Variants in TMEM229B observed in about 807,000 individuals in gnomAD.
TMEM229B encodes the protein transmembrane protein 229B, also known as chromosome 14 open reading frame 83.
In TMEM229B, 6 loss-of-function variants were observed where a neutral mutation model predicts 13.7. That is an observed-to-expected ratio of 0.44 (90% CI 0.24 to 0.86). The LOEUF is 0.86. Ranked by LOEUF, TMEM229B falls within the 40% of genes least tolerant of loss-of-function variation. The pLI is 0.23. For missense variants in TMEM229B, 170 were observed against 236.0 expected (o/e 0.72, Z 1.83); for synonymous variants, 107 against 102.1 (o/e 1.05, Z -0.29).
chr14:67,525,515 C>T (rs1222155122), intron 1 of TMEM229B, among the ~76,000 whole-genome samples: 1 of 152,214 alleles, frequency 6.6e-6, no homozygotes, highest in African/African-American at 2.4e-5. Context: ...GGGCACCCCT[C>T]ATTCTTCTCC....
chr14:67,526,936 AAGG>A (rs2033376076), intron 1 of TMEM229B, among the ~76,000 whole-genome samples: 1 of 152,184 alleles, frequency 6.6e-6, no homozygotes, highest in Non-Finnish European at 1.5e-5. Context: ...TGAGCACAAC[AAGG>A]AGAAGTCCTG....
intron 2 of TMEM229B, among the ~76,000 whole-genome samples, chr14:67,482,883 C>A (rs2031666288): frequency 1.3e-5 from 2 of 152,194 alleles, no homozygotes; most frequent in South Asian, 4.1e-4. Flanking sequence ...CTCCCTCCAC[C>A]TCCCAAGTCA....
chr14:67,481,846 C>T (rs972375045), intron 2 of TMEM229B, among the ~76,000 whole-genome samples: 1 of 152,196 alleles, frequency 6.6e-6, no homozygotes, highest in African/African-American at 2.4e-5. Flanking sequence ...GAACCGGCAG[C>T]TCAGGGGACC....
At chr14:67,485,375 C>T (rs1365407725) in intron 2 of TMEM229B, among the ~76,000 whole-genome samples, 3 of 152,184 alleles carry the variant, frequency 2.0e-5, no homozygotes, top group Non-Finnish European at 4.4e-5. Context: ...TTTGTAAGCC[C>T]AGGCTGAGTG....
chr14:67,503,248 T>C (rs1287316098), intron 1 of TMEM229B, among the ~76,000 whole-genome samples: 1 of 152,152 alleles, frequency 6.6e-6, no homozygotes, highest in Non-Finnish European at 1.5e-5. Context: ...GCAGCAGAGA[T>C]GGTCTCTGGC....
In TMEM229B at chr14:67,473,756, G is replaced by A. The variant is rs754809593; in HGVS notation, c.168C>T (p.Ser56=). ...GGTACATGCGCTCCACGATGAGGAT[G>A]GAGGTGCCGTAGATGAAGAGGGCCC... ...SVWALFIYGT[S]ILIVERMYLR... Residue 56 remains serine (S), a synonymous_variant, in exon 3 of 3, where the codon TCC becomes TCT. Transcript: ENST00000554480. This position sits in a 1 kb window ranked among gnomAD's most constrained non-coding sequence, Gnocchi z 6.5. The A allele has an allele frequency of 6.2e-6, 10 of 1,613,602 alleles. No individual in the cohort carries two copies. Among genetic ancestry groups the A allele is most frequent in the African/African-American group, 4.0e-5 (3 of 74,950 alleles).
upstream of TMEM229B, among the ~76,000 whole-genome samples, chr14:67,518,436 CCAGA>C (rs2033240577): frequency 6.6e-6 from 1 of 152,174 alleles, no homozygotes; most frequent in African/African-American, 2.4e-5. Flanking sequence ...TAGCATAGTG[CCAGA>C]CACATAGTAT....
At chr14:67,517,849 T>G (rs1479669073), upstream of TMEM229B, among the ~76,000 whole-genome samples, 1 of 152,208 alleles carries the variant, frequency 6.6e-6, no homozygotes, top group Non-Finnish European at 1.5e-5. Flanking sequence ...AAAGGCAAAA[T>G]GCAGTTCAAA....
intron 1 of TMEM229B, among the ~76,000 whole-genome samples, chr14:67,532,264 G>A (rs998174991): frequency 6.6e-6 from 1 of 152,192 alleles, no homozygotes; most frequent in African/African-American, 2.4e-5. Flanking sequence ...TGGTGCCTGG[G>A]ATGAGTCTTC....
chr14:67,478,256 A>T (rs2031351952), intron 2 of TMEM229B, among the ~76,000 whole-genome samples: 1 of 152,196 alleles, frequency 6.6e-6, no homozygotes, highest in South Asian at 2.1e-4. Context: ...TAGCTGTACA[A>T]GTGTGGTTCA....
At chr14:67,501,225 A>G (rs759752887) in intron 1 of TMEM229B, among the ~76,000 whole-genome samples, 4 of 152,132 alleles carry the variant, frequency 2.6e-5, no homozygotes, top group African/African-American at 7.2e-5. Flanking sequence ...TCCCAGAGTC[A>G]TGGCAGTGGA....
At chr14:67,500,793 G>A (rs1474042793) in intron 1 of TMEM229B, among the ~76,000 whole-genome samples, 2 of 151,596 alleles carry the variant, frequency 1.3e-5, no homozygotes, top group Non-Finnish European at 2.9e-5. Context: ...GGATGGTCTC[G>A]ATCTCCTGAA....
rs1258475284 is a variant in TMEM229B, at chr14:67,472,738, G to T, written c.*682C>A. On this transcript the variant is annotated 3_prime_UTR_variant, in exon 3 of 3. Coordinates refer to ENST00000554480, the MANE Select transcript of TMEM229B (RefSeq NM_001348543.2). ...AGGCTTTGAAAACAAGACAGAAAAGGGGGAAACGCCACCGAACACACGGGG... is the reference window on the plus strand; with the variant it reads ...AGGCTTTGAAAACAAGACAGAAAAGTGGGAAACGCCACCGAACACACGGGG... 6.5e-6 allele frequency: 1 copy of T among 152,756 alleles called. No homozygotes were observed. Among genetic ancestry groups the T allele is most frequent in the Non-Finnish European group, 1.5e-5 (1 of 68,300 alleles). The allele number at this position is 152,756 out of a possible 1,614,324, so 9.5% of individuals were successfully genotyped here. A position where few individuals can be genotyped will look rare whatever the true frequency, so the allele number is the denominator to read the frequency against.
chr14:67,504,777 C>T (rs1006045305), intron 1 of TMEM229B, among the ~76,000 whole-genome samples: 30 of 151,968 alleles, frequency 2.0e-4, no homozygotes, highest in African/African-American at 5.8e-4. Flanking sequence ...CCCAGCTACT[C>T]GGGAGTCTGA....
chr14:67,504,881 C>T (rs2032762039), intron 1 of TMEM229B, among the ~76,000 whole-genome samples: 2 of 151,920 alleles, frequency 1.3e-5, no homozygotes, highest in South Asian at 2.1e-4. Context: ...AGCGACACTC[C>T]GTCTCAAACA....
intron 1 of TMEM229B, among the ~76,000 whole-genome samples, chr14:67,510,028 A>AAG (rs202047940): frequency 1.2e-5 from 1 of 81,284 alleles, no homozygotes; most frequent in Non-Finnish European, 3.5e-5. Flanking sequence ...TTTTTTTATT[A>AAG]AAAAAAAAAA....
At chr14:67,495,897 T>C (rs987695440) in intron 1 of TMEM229B, among the ~76,000 whole-genome samples, 7 of 152,244 alleles carry the variant, frequency 4.6e-5, no homozygotes, top group African/African-American at 1.7e-4. Context: ...CAGGCAGGCT[T>C]TCTAGGGTAG....
chr14:67,523,827 T>A lies in TMEM229B; in HGVS notation c.-192+9809A>T, dbSNP rs113962452. ...ACAGACGTGGGAAGGGGAAACAATATCTTTGGAGGAATTTTTTTTTTCTTC... is the reference window on the plus strand; with the variant it reads ...ACAGACGTGGGAAGGGGAAACAATAACTTTGGAGGAATTTTTTTTTTCTTC... On this transcript the variant is annotated intron_variant, in intron 1 of 2. Transcript: ENST00000554278. 3.8e-3 allele frequency among the ~76,000 whole-genome samples: 573 copies of A among 152,244 alleles called. 2 individuals carry two copies. The highest frequency in any genetic ancestry group is 0.013 in the African/African-American group (551 of 41,540).
Position 67,508,753 on chromosome 14 carries a change from C to CAAAAAAAAAAAAAAAAAAAAAAAAA in TMEM229B, c.-192+6332_-192+6333insTTTTTTTTTTTTTTTTTTTTTTTTT. 2.0e-3 allele frequency among the ~76,000 whole-genome samples: 95 copies of CAAAAAAAAAAAAAAAAAAAAAAAAA among 46,614 alleles called. 5 individuals are homozygous for CAAAAAAAAAAAAAAAAAAAAAAAAA. The highest frequency in any genetic ancestry group is 3.1e-3 in the Non-Finnish European group (65 of 21,254). The allele number at this position is 46,614 out of a possible 152,430, so 30.6% of individuals were successfully genotyped here. Reference sequence around the variant, plus strand: ...TGGGTGACAGAGCAAAACCTTGTCTCAAAAAAAAAAAAAAAAAACAGAAGA... The same window carrying CAAAAAAAAAAAAAAAAAAAAAAAAA: ...TGGGTGACAGAGCAAAACCTTGTCTCAAAAAAAAAAAAAAAAAAAAAAAAAAAAAAAAAAAAAAAAAAACAGAAGA... On this transcript the variant is annotated intron_variant, in intron 1 of 2. Coordinates refer to the TMEM229B transcript ENST00000357461.
Sources: gnomAD v4.1 joint callset for allele counts (sites outside exome capture counted in the v4.1 genomes callset) on GRCh38, gnomAD v4.1.1 for gene constraint, Gnocchi (gnomAD v3.1) non-coding constraint, MANE v1.5 for transcripts, NCBI Gene and HGNC (gene_info 2026-07-23, HGNC 2026-07-21) for gene names.